CTDSPL: variants seen among roughly 807,000 people sequenced by gnomAD.
The protein encoded by CTDSPL is CTD small phosphatase like.
Under a neutral mutation model 30.5 loss-of-function variants are expected in CTDSPL, and 8 were observed. The ratio of observed to expected loss-of-function variants is 0.26; its 90% CI spans 0.15 to 0.47. The LOEUF (loss-of-function observed/expected upper bound fraction) is 0.47, where lower values mean the gene tolerates loss of function less well. Among genes scored for constraint, CTDSPL ranks in the 20% least tolerant of loss-of-function variants. The pLI, the probability that CTDSPL is intolerant of heterozygous loss-of-function variation, is 0.99. For missense variants in CTDSPL, 248 were observed against 366.1 expected, an observed-to-expected ratio of 0.68 and a Z score of 2.63; for synonymous variants, 110 against 137.9, an observed-to-expected ratio of 0.80 and a Z score of 1.42.
intron 1 of CTDSPL, among the ~76,000 whole-genome samples, chr3:37,871,268 A>G (rs1698068703): frequency 6.6e-6 from 1 of 152,074 alleles, no homozygotes; most frequent in Non-Finnish European, 1.5e-5. Flanking sequence ...CATTTCCTCC[A>G]TGTCTTTTCA....
chr3:37,934,336 A>AG (rs985987453), intron 1 of CTDSPL, among the ~76,000 whole-genome samples: 11 of 152,044 alleles, frequency 7.2e-5, no homozygotes, highest in South Asian at 4.1e-4. Flanking sequence ...TTAAAAAAAA[A>AG]AAAGAAAGAA....
chr3:37,946,284 A>T (rs900005102), intron 1 of CTDSPL, among the ~76,000 whole-genome samples: 2 of 152,178 alleles, frequency 1.3e-5, no homozygotes, highest in Non-Finnish European at 2.9e-5. Context: ...AACAGAAAGG[A>T]TGTGTCACTC....
At chr3:37,946,632 C>G (rs1415890389) in intron 1 of CTDSPL, among the ~76,000 whole-genome samples, 1 of 152,160 alleles carries the variant, frequency 6.6e-6, no homozygotes, top group African/African-American at 2.4e-5. Context: ...TGTTGGTATC[C>G]ATAATGGAGA....
intron 3 of CTDSPL, 130 bp from the exon 4 acceptor site, chr3:37,964,441 T>C: frequency 1.7e-6 from 1 of 580,882 alleles, no homozygotes; most frequent in Non-Finnish European, 3.0e-6. Context: ...AAACTACTTA[T>C]TCCTATTGTT....
rs1337613974 is a variant in CTDSPL at position 37,980,812 on chromosome 3, G to A, written c.776G>A (p.Gly259Asp). 1.2e-6 allele frequency: 2 copies of A among 1,614,150 alleles called. No individual in the cohort carries two copies. Among genetic ancestry groups the A allele is most frequent in the South Asian group, 2.2e-5 (2 of 91,078 alleles). Residue 259 changes from glycine to aspartate, a missense_variant, in exon 8 of 8, where the codon GGC becomes GAC. This residue lies in a region of CTDSPL where 84 missense variants were observed against 139.4 expected (regional missense o/e 0.60). Transcript: ENST00000273179. Reference protein sequence around the residue: ...ELLDLIPFFEGLSREDDVYSM... With the variant: ...ELLDLIPFFEDLSREDDVYSM... ...CTGGACCTCATCCCCTTCTTTGAGG[G>A]CCTGAGCCGGGAGGACGACGTGTAC...
At chr3:37,948,284 CA>C (rs888168146) in intron 2 of CTDSPL, among the ~76,000 whole-genome samples, 62 of 139,964 alleles carry the variant, frequency 4.4e-4, no homozygotes, top group African/African-American at 1.1e-3. Flanking sequence ...AACTCCATCT[CA>C]AAAAAAAAAA....
At chr3:37,955,924 A>G (rs998798783) in intron 2 of CTDSPL, among the ~76,000 whole-genome samples, 1 of 152,200 alleles carries the variant, frequency 6.6e-6, no homozygotes, top group African/African-American at 2.4e-5. Context: ...TATTAGGAAT[A>G]ATATTATTTA....
rs1267863954 is a variant in CTDSPL, at chr3:37,975,306, C to T, written c.520-403C>T. 6.6e-6 allele frequency among the ~76,000 whole-genome samples: 1 copy of T among 152,178 alleles called. No homozygotes were observed. The highest frequency in any genetic ancestry group is 2.4e-5 in the African/African-American group (1 of 41,434). On this transcript the variant is annotated intron_variant, in intron 6 of 7. Transcript: ENST00000273179. The surrounding 1 kb of genome is among the most constrained non-coding windows in gnomAD (Gnocchi z 4.9). The stretch of plus-strand genomic sequence containing the variant: ...TGGAGAGTTTTCAGCAGAGGAGTGA[C>T]ATGATGGCACATATGTTTTCCAGTG...
rs973927899 is a variant in CTDSPL at position 37,863,506 on chromosome 3, A to G, written c.79+1228A>G. On this transcript the variant is annotated intron_variant, in intron 1 of 7. Transcript: ENST00000273179. ...TCTGGCTTCTTTTGTTCTGGTGACT[A>G]AAGCTTGCCTCATTCTCTTCCTGTC... Among the ~76,000 whole-genome samples the G allele has an allele frequency of 9.9e-5, 15 of 152,164 alleles. 1 individual carries two copies. Among genetic ancestry groups the G allele is most frequent in the African/African-American group, 3.6e-4 (15 of 41,444 alleles).
intron 1 of CTDSPL, among the ~76,000 whole-genome samples, chr3:37,873,137 A>T (rs1283241196): frequency 2.6e-5 from 4 of 152,192 alleles, no homozygotes; most frequent in African/African-American, 9.7e-5. Flanking sequence ...GATGAGCTTC[A>T]TATTTGGCCA....
At chr3:37,877,558 A>G (rs1286494478) in intron 1 of CTDSPL, among the ~76,000 whole-genome samples, 1 of 152,226 alleles carries the variant, frequency 6.6e-6, no homozygotes, top group African/African-American at 2.4e-5. Context: ...ACTCATATGA[A>G]CACAGGTGTT....
chr3:37,874,660 G>T (rs1441518785), intron 1 of CTDSPL, among the ~76,000 whole-genome samples: 1 of 152,148 alleles, frequency 6.6e-6, no homozygotes, highest in Non-Finnish European at 1.5e-5. Flanking sequence ...AATCCGGAAG[G>T]CGGAGGTTGC....
chr3:37,883,185 C>T (rs1698227338), intron 1 of CTDSPL, among the ~76,000 whole-genome samples: 1 of 152,030 alleles, frequency 6.6e-6, no homozygotes, highest in South Asian at 2.1e-4. Flanking sequence ...TAAGAAGAGT[C>T]ATCTTAAAAG....
intron 7 of CTDSPL, among the ~76,000 whole-genome samples, chr3:37,978,840 GGATATACTTTACTTCTA>G (rs1699457852): frequency 6.6e-6 from 1 of 152,062 alleles, no homozygotes; most frequent in South Asian, 2.1e-4. Context: ...ATTGCTAATG[GGATATACTTTACTTCTA>G]GCCCATACTA....
At chr3:37,914,265 TGTTTA>T (rs1274558142) in intron 1 of CTDSPL, among the ~76,000 whole-genome samples, 23 of 152,340 alleles carry the variant, frequency 1.5e-4, no homozygotes, top group South Asian at 1.0e-3. Flanking sequence ...ATCTCCCAAC[TGTTTA>T]GTTTAGGAAT....
At position 37,931,721 on chromosome 3, in the gene CTDSPL, G is replaced by A. The variant is rs144545176; in HGVS notation, c.80-15336G>A. Among the ~76,000 whole-genome samples, 676 of 151,810 alleles carry A rather than the reference G, an allele frequency of 4.5e-3. 4 individuals are homozygous for A. The highest frequency in any genetic ancestry group is 0.016 in the African/African-American group (646 of 41,398). ...TAGTGCTTACATGAAACATTTTGTA[G>A]TAATAATAATCAATTTTCAGCTGAT... On this transcript the variant is annotated intron_variant, in intron 1 of 7. Transcript: ENST00000273179.
chr3:37,900,142 A>G (rs1303298558), intron 1 of CTDSPL, among the ~76,000 whole-genome samples: 1 of 152,204 alleles, frequency 6.6e-6, no homozygotes, highest in Non-Finnish European at 1.5e-5. Flanking sequence ...GGTTAGAACC[A>G]AGGAAGGAAG....
chr3:37,890,794 T>A (rs1328621542), intron 1 of CTDSPL, among the ~76,000 whole-genome samples: 1 of 152,066 alleles, frequency 6.6e-6, no homozygotes, highest in Non-Finnish European at 1.5e-5. Flanking sequence ...ATACCAAGTT[T>A]CAGATGAGGT....
At chr3:37,961,252 T>C (rs1699241818) in intron 3 of CTDSPL, among the ~76,000 whole-genome samples, 1 of 152,174 alleles carries the variant, frequency 6.6e-6, no homozygotes, top group African/African-American at 2.4e-5. Flanking sequence ...ATCTCCCAAC[T>C]ATGAGCCAGG....
Sources: gnomAD v4.1 joint callset for allele counts (sites outside exome capture counted in the v4.1 genomes callset) on GRCh38, gnomAD v4.1.1 for gene constraint, gnomAD v4.1.1 regional missense constraint, Gnocchi (gnomAD v3.1) non-coding constraint, MANE v1.5 for transcripts, NCBI Gene and HGNC (gene_info 2026-07-23, HGNC 2026-07-21) for gene names.